Variants in LRBA observed in about 807,000 individuals in gnomAD.
LRBA encodes the protein lipopolysaccharide-responsive and beige-like anchor protein.
Under a neutral mutation model 330.0 loss-of-function variants are expected in LRBA, and 176 were observed. The observed-to-expected ratio is 0.53, with a 90% confidence interval of 0.47 to 0.60. The LOEUF (loss-of-function observed/expected upper bound fraction) is 0.60, where lower values mean the gene tolerates loss of function less well. Ranked by LOEUF, LRBA falls within the 20% of genes least tolerant of loss-of-function variation. LRBA has a pLI of 0.00. For synonymous variants in LRBA, 1,230 were observed against 1,193.0 expected, an observed-to-expected ratio of 1.03 and a Z score of -0.64; for missense variants, 3,259 against 3,444.8, an observed-to-expected ratio of 0.95 and a Z score of 1.35.
chr4:150,416,683 A>T, intron 46 of LRBA, among the ~76,000 whole-genome samples: 1 of 152,110 alleles, frequency 6.6e-6, no homozygotes, highest in Middle Eastern at 3.4e-3. Flanking sequence ...ATAAAATTAG[A>T]TTATAATCAC....
In LRBA at chr4:150,957,789, G is replaced by A. The variant is rs940126270; in HGVS notation, c.217-28724C>T. ...ATAGGAGAAATTGGCCAAAACAAAG[G>A]GGCTACAGGTCCCGTGCAAGTCCAA... On this transcript the variant is annotated intron_variant, in intron 2 of 56. Transcript: ENST00000651943. 2.7e-5 allele frequency among the ~76,000 whole-genome samples: 4 copies of A among 148,842 alleles called. 1 individual carries two copies. Among genetic ancestry groups the A allele is most frequent in the African/African-American group, 5.2e-5 (2 of 38,342 alleles).
At chr4:150,632,289 A>G (rs900497247) in intron 37 of LRBA, among the ~76,000 whole-genome samples, 3 of 151,804 alleles carry the variant, frequency 2.0e-5, no homozygotes, top group Non-Finnish European at 2.9e-5. Flanking sequence ...GGATCACAAA[A>G]GAACTAATTT....
At chr4:150,382,752 A>G (rs1466093321) in intron 47 of LRBA, among the ~76,000 whole-genome samples, 2 of 152,238 alleles carry the variant, frequency 1.3e-5, no homozygotes, top group African/African-American at 4.8e-5. Context: ...TTAAATTAAC[A>G]TAGATCTTCA....
At chr4:150,404,393 A>G (rs1364244220) in intron 47 of LRBA, among the ~76,000 whole-genome samples, 1 of 152,150 alleles carries the variant, frequency 6.6e-6, no homozygotes, top group Non-Finnish European at 1.5e-5. Context: ...AAGTTTTTAG[A>G]TTATTTTGCT....
chr4:150,307,773 A>C (rs528555545), intron 52 of LRBA, among the ~76,000 whole-genome samples: 1 of 152,170 alleles, frequency 6.6e-6, no homozygotes, highest in East Asian at 1.9e-4. Context: ...AAAAAAAGAC[A>C]TGTCCAAGAC....
At chr4:150,561,663 A>G (rs1768357485) in intron 40 of LRBA, among the ~76,000 whole-genome samples, 1 of 152,144 alleles carries the variant, frequency 6.6e-6, no homozygotes, top group Admixed American at 6.6e-5. Flanking sequence ...TCTCCCCTAG[A>G]CGCTCTAGAA....
intron 37 of LRBA, among the ~76,000 whole-genome samples, chr4:150,637,423 A>T (rs964707428): frequency 6.6e-5 from 10 of 152,188 alleles, no homozygotes; most frequent in African/African-American, 1.9e-4. Flanking sequence ...GACAGCTCCA[A>T]CATAGCCCGT....
Position 150,925,239 on chromosome 4 carries a change from T to C in LRBA, c.549+3277A>G, listed in dbSNP as rs567812165. 4.6e-5 allele frequency among the ~76,000 whole-genome samples: 7 copies of C among 152,282 alleles called. No homozygotes were observed. In the South Asian group the frequency reaches 1.2e-3, roughly 27 times the overall value. Reference sequence around the variant, plus strand: ...TCATTGCTTTCTTTCCTATATATTTTACATCTATTCCTATTACTCCATGTA... The same window carrying C: ...TCATTGCTTTCTTTCCTATATATTTCACATCTATTCCTATTACTCCATGTA... On this transcript the variant is annotated intron_variant, in intron 4 of 56. Coordinates refer to ENST00000651943, the MANE Select transcript of LRBA (RefSeq NM_001364905.1).
At chr4:150,921,075 A>G (rs1733201617) in intron 5 of LRBA, 123 bp downstream of exon 5, 2 of 617,482 alleles carry the variant, frequency 3.2e-6, no homozygotes, top group Non-Finnish European at 5.9e-6. Flanking sequence ...CATAAGGATT[A>G]AAGTATGTTG....
intron 34 of LRBA, among the ~76,000 whole-genome samples, chr4:150,763,568 G>A (rs960353488): frequency 5.9e-5 from 9 of 151,876 alleles, no homozygotes. Flanking sequence ...AGTCCAAAAG[G>A]AAGCAATCAA....
At chr4:150,757,344 A>C (rs1205321035) in intron 35 of LRBA, among the ~76,000 whole-genome samples, 1 of 152,198 alleles carries the variant, frequency 6.6e-6, no homozygotes, top group East Asian at 1.9e-4. Flanking sequence ...AGTTTCTACC[A>C]AACAACAATT....
chr4:150,396,156 C>T (rs1236101748), intron 47 of LRBA, among the ~76,000 whole-genome samples: 3 of 152,100 alleles, frequency 2.0e-5, no homozygotes, highest in Admixed American at 1.3e-4. Context: ...CCAATGAGTA[C>T]CAGAACAGAA....
intron 2 of LRBA, among the ~76,000 whole-genome samples, chr4:150,956,572 C>CA (rs1288870020): frequency 2.0e-5 from 3 of 148,708 alleles, no homozygotes; most frequent in Admixed American, 1.3e-4. Context: ...AAAACCATCA[C>CA]AAAAAAGAAA....
intron 35 of LRBA, among the ~76,000 whole-genome samples, chr4:150,761,322 T>C (rs563158253): frequency 6.6e-6 from 1 of 152,268 alleles, no homozygotes; most frequent in South Asian, 2.1e-4. Context: ...TTCTGTTCTT[T>C]AAGTAGAAAA....
intron 34 of LRBA, among the ~76,000 whole-genome samples, chr4:150,795,874 CAAAA>C (rs1199157671): frequency 6.6e-6 from 1 of 151,712 alleles, no homozygotes; most frequent in Non-Finnish European, 1.5e-5. Context: ...AAAAATAACA[CAAAA>C]AGAATATAAG....
chr4:150,867,930 T>C (rs989713958), intron 21 of LRBA, 67 bp from the exon 22 acceptor site: 2 of 1,346,340 alleles, frequency 1.5e-6, no homozygotes, highest in African/African-American at 3.0e-5. Flanking sequence ...ATCTAAAGGT[T>C]TAAAACAAAA....
intron 2 of LRBA, among the ~76,000 whole-genome samples, chr4:150,952,250 GTA>G (rs1279336738): frequency 2.0e-5 from 3 of 146,686 alleles, no homozygotes; most frequent in Non-Finnish European, 4.4e-5. Flanking sequence ...ATAACCTGTT[GTA>G]TATGTGTGTG....
intron 38 of LRBA, among the ~76,000 whole-genome samples, chr4:150,597,812 CA>C (rs1194958859): frequency 6.6e-6 from 1 of 152,062 alleles, no homozygotes; most frequent in Non-Finnish European, 1.5e-5. Flanking sequence ...ATTAATTCTA[CA>C]TTTTATTTCT....
chr4:150,433,740 T>C, intron 46 of LRBA, among the ~76,000 whole-genome samples: 1 of 152,130 alleles, frequency 6.6e-6, no homozygotes. Flanking sequence ...AGAGGTAAAA[T>C]TTAACAAAAT....
Sources: allele counts gnomAD v4.1 joint callset (sites outside exome capture counted in the v4.1 genomes callset), GRCh38; gene constraint gnomAD v4.1.1; transcripts MANE v1.5; gene names NCBI Gene and HGNC (gene_info 2026-07-23, HGNC 2026-07-21).